DLG2: variants seen among roughly 807,000 people sequenced by gnomAD.
DLG2 encodes discs large MAGUK scaffold protein 2, also known as disks large homolog 2.
Under a neutral mutation model 132.5 loss-of-function variants are expected in DLG2, and 45 were observed. The observed-to-expected ratio is 0.34, with a 90% CI of 0.27 to 0.44. The LOEUF is 0.44. Among genes scored for constraint, DLG2 ranks in the 20% least tolerant of loss-of-function variants. The pLI is 1.00. For synonymous variants in DLG2, 424 were observed against 419.6 expected (o/e 1.01, Z -0.13); for missense variants, 1,045 against 1,196.9 (o/e 0.87, Z 1.87).
At chr11:85,157,877 T>C (rs1408568216) in intron 4 of DLG2, among the ~76,000 whole-genome samples, 5 of 151,876 alleles carry the variant, frequency 3.3e-5, no homozygotes, top group Non-Finnish European at 7.4e-5. Context: ...AAGAAACAGC[T>C]CCCCCATTCC....
At chr11:83,515,723 G>A (rs946338576) in intron 21 of DLG2, among the ~76,000 whole-genome samples, 1 of 152,196 alleles carries the variant, frequency 6.6e-6, no homozygotes, top group African/African-American at 2.4e-5. Context: ...GGTATGTTGT[G>A]TCTTTGTTCT....
intron 6 of DLG2, chr11:84,936,767 G>A (rs1166753565): frequency 2.0e-5 from 3 of 152,146 alleles, no homozygotes; most frequent in African/African-American, 7.2e-5. Flanking sequence ...GGAAAAGCAC[G>A]TCTTACACTA....
At chr11:85,012,138 A>ACGGAGAAACTCCATTTCTAC (rs1566644256) in intron 6 of DLG2, among the ~76,000 whole-genome samples, 2 of 76,358 alleles carry the variant, frequency 2.6e-5, no homozygotes, top group Non-Finnish European at 4.6e-5. Flanking sequence ...CCTGACCAAC[A>ACGGAGAAACTCCATTTCTAC]TAATCTATGT....
At chr11:84,609,302 G>A (rs1248750097) in intron 6 of DLG2, among the ~76,000 whole-genome samples, 2 of 152,018 alleles carry the variant, frequency 1.3e-5, no homozygotes, top group Admixed American at 6.6e-5. Flanking sequence ...TGGCTTTGGA[G>A]GACTAAATGA....
intron 3 of DLG2, among the ~76,000 whole-genome samples, chr11:85,568,694 T>G (rs555366253): frequency 6.6e-6 from 1 of 152,332 alleles, no homozygotes; most frequent in South Asian, 2.1e-4. Flanking sequence ...TCTAATTTGT[T>G]CGGCATACAA....
At chr11:83,881,507 C>A (rs1557433) in intron 15 of DLG2, among the ~76,000 whole-genome samples, 42,877 of 152,068 alleles carry the variant, frequency 0.28, 6,356 homozygotes, top group East Asian at 0.4. Flanking sequence ...AGCTTTATAT[C>A]ATCAAATTTT....
intron 6 of DLG2, among the ~76,000 whole-genome samples, chr11:85,018,689 CAAGT>C (rs1222248568): frequency 2.0e-5 from 3 of 151,592 alleles, no homozygotes; most frequent in Non-Finnish European, 2.9e-5. Context: ...TCTGATGGCC[CAAGT>C]AAGTACGATT....
intron 3 of DLG2, among the ~76,000 whole-genome samples, chr11:85,536,706 G>T (rs574280240): frequency 6.6e-6 from 1 of 152,238 alleles, no homozygotes; most frequent in African/African-American, 2.4e-5. Context: ...GGCAAGCCCC[G>T]CACTCAGGGC....
At chr11:85,028,834 C>A (rs1362767240) in intron 6 of DLG2, among the ~76,000 whole-genome samples, 5 of 152,058 alleles carry the variant, frequency 3.3e-5, no homozygotes, top group African/African-American at 1.2e-4. Flanking sequence ...GGGAGGCCCC[C>A]ACCCCTCCAA....
In DLG2 at chr11:85,248,402, G is replaced by T. The variant is rs188791602; in HGVS notation, c.186+36818C>A. 1.7e-3 allele frequency among the ~76,000 whole-genome samples: 257 copies of T among 152,038 alleles called. 1 individual carries two copies. The highest frequency in any genetic ancestry group is 6.1e-3 in the African/African-American group (252 of 41,506). Reference sequence around the variant, plus strand: ...CTTCTTCGGTAAATAGTTCTCAAATGACAGATTTTTTTTTTAATTAAAGAT... The same window carrying T: ...CTTCTTCGGTAAATAGTTCTCAAATTACAGATTTTTTTTTTAATTAAAGAT... On this transcript the variant is annotated intron_variant, in intron 4 of 27. Coordinates refer to ENST00000376104, the MANE Select transcript of DLG2 (RefSeq NM_001142699.3).
chr11:84,734,262 A>C (rs113553905), intron 6 of DLG2, among the ~76,000 whole-genome samples: 2 of 152,108 alleles, frequency 1.3e-5, no homozygotes, highest in African/African-American at 4.8e-5. Flanking sequence ...GATTCTTCCT[A>C]TCCAGGAGCA....
intron 10 of DLG2, among the ~76,000 whole-genome samples, chr11:84,059,907 A>T (rs2096563927): frequency 6.6e-6 from 1 of 152,318 alleles, no homozygotes; most frequent in African/African-American, 2.4e-5. Context: ...TTACAGACTA[A>T]TTTTCTCAAA....
chr11:83,532,856 AAC>A, intron 20 of DLG2, 73 bp from the exon 21 acceptor site: 1 of 1,300,346 alleles, frequency 7.7e-7, no homozygotes, highest in Non-Finnish European at 1.1e-6. Context: ...TTAAGTGAAG[AAC>A]ATTTTTTCCT....
At chr11:85,195,747 C>G (rs1409392797) in intron 4 of DLG2, among the ~76,000 whole-genome samples, 2 of 151,878 alleles carry the variant, frequency 1.3e-5, no homozygotes, top group African/African-American at 4.8e-5. Flanking sequence ...AGGATGGTCT[C>G]GATCTTCTGA....
At chr11:85,051,873 A>G (rs1451657805) in intron 6 of DLG2, among the ~76,000 whole-genome samples, 2 of 152,174 alleles carry the variant, frequency 1.3e-5, no homozygotes, top group Non-Finnish European at 2.9e-5. Context: ...CTAGTAAGTG[A>G]TAATAGACCC....
At chr11:83,589,534 T>A (rs1343247218) in intron 19 of DLG2, among the ~76,000 whole-genome samples, 5 of 150,980 alleles carry the variant, frequency 3.3e-5, no homozygotes, top group Non-Finnish European at 7.4e-5. Context: ...CACTGCAAAA[T>A]CATGCCAAAA....
chr11:84,281,855 A>G (rs1353233504), intron 7 of DLG2, among the ~76,000 whole-genome samples: 1 of 152,170 alleles, frequency 6.6e-6, no homozygotes, highest in African/African-American at 2.4e-5. Flanking sequence ...ATTTAAAAAG[A>G]CTGACCATAT....
At chr11:85,377,599 A>T (rs1336643420) in intron 3 of DLG2, among the ~76,000 whole-genome samples, 1 of 152,046 alleles carries the variant, frequency 6.6e-6, no homozygotes, top group African/African-American at 2.4e-5. Flanking sequence ...GCGGTTAAAA[A>T]AGACATTGTT....
intron 21 of DLG2, among the ~76,000 whole-genome samples, chr11:83,487,054 G>C (rs886984261): frequency 5.8e-5 from 7 of 120,414 alleles, no homozygotes; most frequent in Admixed American, 2.3e-4. Flanking sequence ...TAGCAATTCT[G>C]CTATTATTTG....
Sources: allele counts gnomAD v4.1 joint callset (sites outside exome capture counted in the v4.1 genomes callset), GRCh38; gene constraint gnomAD v4.1.1; transcripts MANE v1.5; gene names NCBI Gene and HGNC (gene_info 2026-07-23, HGNC 2026-07-21).